The following FGD4 variants were observed in gnomAD, a reference collection of about 807,000 sequenced individuals.
FGD4 encodes FYVE, RhoGEF and PH domain containing 4, also known as FYVE, RhoGEF and PH domain-containing protein 4.
FGD4 carries 42 observed loss-of-function variants against 102.0 expected under a neutral mutation model. The observed-to-expected ratio is 0.41, with a 90% CI of 0.32 to 0.53. FGD4 has a LOEUF of 0.53. FGD4 is among the 20% of genes least tolerant of loss of function. FGD4 has a pLI of 0.21. For missense variants in FGD4, 902 were observed against 1,078.2 expected (o/e 0.84, Z 2.29); for synonymous variants, 380 against 375.7 (o/e 1.01, Z -0.13).
At chr12:32,482,912 T>C (rs1340961424) in intron 1 of FGD4, among the ~76,000 whole-genome samples, 2 of 152,242 alleles carry the variant, frequency 1.3e-5, no homozygotes, top group Non-Finnish European at 2.9e-5. Flanking sequence ...TTCTCAGTTA[T>C]AGATGATGTA....
intron 1 of FGD4, among the ~76,000 whole-genome samples, chr12:32,514,362 A>T (rs1939681277): frequency 6.6e-6 from 1 of 152,150 alleles, no homozygotes; most frequent in Admixed American, 6.5e-5. Flanking sequence ...TCAACTATAT[A>T]CCACTTTCCC....
At chr12:32,487,786 T>G (rs527972289) in intron 1 of FGD4, among the ~76,000 whole-genome samples, 1 of 152,336 alleles carries the variant, frequency 6.6e-6, no homozygotes, top group Admixed American at 6.5e-5. Flanking sequence ...AGGTTGGACT[T>G]GAACTCCTGG....
rs191792165 is a variant in FGD4 at position 32,494,399 on chromosome 12, C to T, written c.167-69738C>T. ...ATGAGGGATGGTGAGGTCTTTTACC[C>T]ACCTCCAGCCGTATAATCAGTAAAA... is the stretch of plus-strand genomic sequence containing the variant. On this transcript the variant is annotated intron_variant, in intron 1 of 16. Coordinates refer to ENST00000534526, the MANE Select transcript of FGD4 (RefSeq NM_001370298.3). Among the ~76,000 whole-genome samples the T allele has an allele frequency of 8.5e-5, 13 of 152,240 alleles. 1 individual carries two copies. Among genetic ancestry groups the T allele is most frequent in the Admixed American group, 7.8e-4 (12 of 15,304 alleles).
chr12:32,633,280 T>G, intron 14 of FGD4, among the ~76,000 whole-genome samples: 1 of 152,084 alleles, frequency 6.6e-6, no homozygotes. Flanking sequence ...GGAAAGGATG[T>G]TGATGAACAT....
chr12:32,602,331 T>G lies in FGD4; in HGVS notation c.1404+14T>G. ...GAAGAAATTCAGGTAATAGGACTGT[T>G]TTGTTCAAAGCTATGAATTACTATT... On this transcript the variant is annotated intron_variant, in intron 7 of 16. Coordinates refer to ENST00000534526, the MANE Select transcript of FGD4 (RefSeq NM_001370298.3). 6.2e-7 allele frequency: 1 copy of G among 1,613,860 alleles called. No homozygotes were observed. The highest frequency in any genetic ancestry group is 8.5e-7 in the Non-Finnish European group (1 of 1,179,802).
intron 10 of FGD4, among the ~76,000 whole-genome samples, chr12:32,617,117 T>C (rs767268235): frequency 2.0e-4 from 31 of 152,198 alleles, no homozygotes; most frequent in Non-Finnish European, 4.1e-4. Context: ...AAGCCCCATC[T>C]CCCAACACTT....
At chr12:32,631,503 CTTT>C (rs1228901589) in intron 14 of FGD4, among the ~76,000 whole-genome samples, 2 of 124,530 alleles carry the variant, frequency 1.6e-5, no homozygotes, top group Non-Finnish European at 1.6e-5. Context: ...GAGCAAACAG[CTTT>C]TTTTTTTTTT....
chr12:32,531,420 T>C (rs1188826091), intron 1 of FGD4, among the ~76,000 whole-genome samples: 2 of 152,140 alleles, frequency 1.3e-5, no homozygotes, highest in Non-Finnish European at 2.9e-5. Context: ...TACAGAACAG[T>C]CCCTTTAGTT....
Position 32,493,611 on chromosome 12 carries a change from C to T in FGD4, c.167-70526C>T, listed in dbSNP as rs186077695. On this transcript the variant is annotated intron_variant, in intron 1 of 16. Transcript: ENST00000534526. ...CAACAGTGGTGTAGCCCAGGCTTAG[C>T]GTTATCTTCATGCCTAGCCGTTTTT... Among the ~76,000 whole-genome samples the T allele has an allele frequency of 1.9e-3, 296 of 152,298 alleles. 2 individuals carry two copies. Among genetic ancestry groups the T allele is most frequent in the Non-Finnish European group, 3.3e-3 (223 of 68,030 alleles).
intron 1 of FGD4, among the ~76,000 whole-genome samples, chr12:32,509,073 CT>C (rs1939088649): frequency 6.6e-6 from 1 of 152,148 alleles, no homozygotes; most frequent in African/African-American, 2.4e-5. Context: ...CATCATCCAT[CT>C]AATCTTTAAC....
At chr12:32,402,585 A>G (rs1281688100) in intron 1 of FGD4, among the ~76,000 whole-genome samples, 1 of 145,026 alleles carries the variant, frequency 6.9e-6, no homozygotes, top group Non-Finnish European at 1.5e-5. Context: ...AGTAGATGGG[A>G]CTACAGGCAC....
At chr12:32,628,896 A>G (rs11052116) in intron 14 of FGD4, among the ~76,000 whole-genome samples, 23,252 of 152,190 alleles carry the variant, frequency 0.15, 2,081 homozygotes, top group Middle Eastern at 0.26. Context: ...GCATGACATG[A>G]AGTGAATTCT....
chr12:32,606,864 TAC>T (rs1478874286), intron 7 of FGD4, among the ~76,000 whole-genome samples: 8 of 152,222 alleles, frequency 5.3e-5, no homozygotes, highest in African/African-American at 1.9e-4. Flanking sequence ...GAGCTCTATT[TAC>T]AGAATTTGGT....
intron 1 of FGD4, among the ~76,000 whole-genome samples, chr12:32,429,375 T>C (rs1941967543): frequency 6.6e-6 from 1 of 152,200 alleles, no homozygotes; most frequent in Non-Finnish European, 1.5e-5. Context: ...CAGCAAAGAT[T>C]GCTCCCTCTT....
At chr12:32,450,632 C>T (rs1271001902) in intron 1 of FGD4, among the ~76,000 whole-genome samples, 1 of 152,186 alleles carries the variant, frequency 6.6e-6, no homozygotes, top group East Asian at 1.9e-4. Context: ...AAACCAAGAT[C>T]TGTCTGCTAA....
At position 32,624,222 on chromosome 12, in the gene FGD4, C is replaced by T. The variant is rs112308393; in HGVS notation, c.1923-200C>T. 2.4e-3 allele frequency among the ~76,000 whole-genome samples: 360 copies of T among 152,182 alleles called. 2 individuals carry two copies. The highest frequency in any genetic ancestry group is 8.1e-3 in the African/African-American group (338 of 41,528). On this transcript the variant is annotated intron_variant, in intron 11 of 16. Coordinates refer to ENST00000534526, the MANE Select transcript of FGD4 (RefSeq NM_001370298.3). ...CTAACCCCATCAAATTTTATGTGTA[C>T]CAAAGTCAGTGGATAGTCTGAACCT...
chr12:32,481,818 C>CAA (rs35076375), intron 1 of FGD4, among the ~76,000 whole-genome samples: 5 of 130,052 alleles, frequency 3.8e-5, no homozygotes, highest in African/African-American at 1.5e-4. Flanking sequence ...AAGACTGTCT[C>CAA]AAAAAAAAAA....
chr12:32,532,247 C>A (rs1941876778), intron 1 of FGD4, among the ~76,000 whole-genome samples: 3 of 152,100 alleles, frequency 2.0e-5, no homozygotes, highest in Non-Finnish European at 4.4e-5. Flanking sequence ...AATGTGGTAT[C>A]TCTCTCAAAA....
intron 4 of FGD4, among the ~76,000 whole-genome samples, chr12:32,591,616 A>G (rs1458309599): frequency 1.3e-5 from 2 of 152,230 alleles, no homozygotes; most frequent in Admixed American, 1.3e-4. Flanking sequence ...ATGCCACCCA[A>G]GTGTTTCTGC....
Sources: allele counts gnomAD v4.1 joint callset (sites outside exome capture counted in the v4.1 genomes callset), GRCh38; gene constraint gnomAD v4.1.1; transcripts MANE v1.5; gene names NCBI Gene and HGNC (gene_info 2026-07-23, HGNC 2026-07-21).